The following ADGRF5 variants were observed in gnomAD, a reference collection of about 807,000 sequenced individuals.
ADGRF5 encodes the protein G-protein coupled receptor 116.
A neutral mutation model predicts 132.3 loss-of-function variants in ADGRF5; 75 were observed. The observed-to-expected ratio is 0.57, with a 90% confidence interval of 0.47 to 0.69. The LOEUF (loss-of-function observed/expected upper bound fraction) is 0.69, where lower values mean the gene tolerates loss of function less well. Ranked by LOEUF, ADGRF5 falls within the 30% of genes least tolerant of loss-of-function variation. The probability of loss-of-function intolerance (pLI) is 0.00; values close to 1 mark genes in which losing one functional copy is unlikely to be tolerated. For missense variants in ADGRF5, 1,516 were observed against 1,630.6 expected (o/e 0.93, Z 1.21); for synonymous variants, 629 against 597.6 (o/e 1.05, Z -0.77).
intron 1 of ADGRF5, among the ~76,000 whole-genome samples, chr6:46,945,136 A>G (rs1778254579): frequency 1.3e-5 from 2 of 152,236 alleles, no homozygotes; most frequent in African/African-American, 4.8e-5. Flanking sequence ...AGTGTCACTC[A>G]TGACACATTT....
At chr6:46,896,084 C>T (rs1293858412) in intron 3 of ADGRF5, among the ~76,000 whole-genome samples, 1 of 152,182 alleles carries the variant, frequency 6.6e-6, no homozygotes, top group Admixed American at 6.6e-5. Context: ...GGCAGAGTCG[C>T]ATGTCTAGAC....
chr6:46,862,920 C>A lies in ADGRF5; in HGVS notation c.2167G>T (p.Ala723Ser). Residue 723 changes from alanine to serine, a missense_variant, in exon 15 of 21, where the codon GCC becomes TCC. By Grantham distance (99) the Ala-to-Ser change is moderately conservative (BLOSUM62 1). This residue lies in a region of ADGRF5 where 945 missense variants were observed against 929.4 expected (regional missense o/e 1.02). Transcript: ENST00000283296. The part of the protein sequence containing the change: ...WEEKRNDCIS[A>S]PINSLLQMAK... ...ATCTGGAGCAGACTGTTTATTGGGG[C>A]AGAGATGCAGTCATTTCTCTTCTCC... The A allele has an allele frequency of 6.2e-7, 1 of 1,612,450 alleles. No homozygotes were observed. Among genetic ancestry groups the A allele is most frequent in the Non-Finnish European group, 8.5e-7 (1 of 1,179,254 alleles).
intron 10 of ADGRF5, among the ~76,000 whole-genome samples, chr6:46,877,098 C>G (rs536824297): frequency 1.3e-5 from 2 of 152,302 alleles, no homozygotes; most frequent in East Asian, 3.9e-4. Flanking sequence ...CTAGGTAAAA[C>G]ACTGTTCAAA....
chr6:46,874,020 T>C (rs764920125), intron 10 of ADGRF5, among the ~76,000 whole-genome samples: 7 of 152,228 alleles, frequency 4.6e-5, no homozygotes, highest in Non-Finnish European at 8.8e-5. Context: ...CACATGATTG[T>C]AGCTGAGTCT....
chr6:46,883,788 C>A (rs148907914), intron 5 of ADGRF5, 123 bp from the exon 6 acceptor site: 7,811 of 625,460 alleles, frequency 0.012, 153 homozygotes, highest in African/African-American at 0.065. Flanking sequence ...GTCTCCCAGG[C>A]TGGAGTGCAA....
intron 1 of ADGRF5, among the ~76,000 whole-genome samples, chr6:46,915,599 T>C (rs1776356578): frequency 6.6e-6 from 1 of 152,186 alleles, no homozygotes; most frequent in Admixed American, 6.5e-5. Flanking sequence ...TCCATCTCTC[T>C]GAGAAATGGC....
At chr6:46,933,924 G>T (rs1777689455) in intron 1 of ADGRF5, among the ~76,000 whole-genome samples, 1 of 152,136 alleles carries the variant, frequency 6.6e-6, no homozygotes, top group South Asian at 2.1e-4. Flanking sequence ...CCTTGGTTTT[G>T]CCTCATCTGA....
chr6:46,882,488 C>G (rs1243032489), intron 6 of ADGRF5, among the ~76,000 whole-genome samples: 1 of 152,204 alleles, frequency 6.6e-6, no homozygotes, highest in African/African-American at 2.4e-5. Flanking sequence ...GTCCCAGTGT[C>G]TGCCAGACAC....
chr6:46,950,639 T>C (rs1328058007), intron 1 of ADGRF5, among the ~76,000 whole-genome samples: 1 of 152,116 alleles, frequency 6.6e-6, no homozygotes, highest in Non-Finnish European at 1.5e-5. Flanking sequence ...CTCAGCCTCC[T>C]GAGTAGCTGG....
In ADGRF5 at chr6:46,879,541, T is replaced by A. The variant is rs953674562; in HGVS notation, c.1036+277A>T. Among the ~76,000 whole-genome samples, 5 of 152,156 alleles carry A rather than the reference T, an allele frequency of 3.3e-5. No individual in the cohort carries two copies. In the East Asian group the frequency reaches 7.7e-4, roughly 23 times the overall value. ...GCTTCCCCTTTGCCTTCTGCCATGATTGTAAGTTTCCTGAGGCCTCCCCAA... is the reference window on the plus strand; with the variant it reads ...GCTTCCCCTTTGCCTTCTGCCATGAATGTAAGTTTCCTGAGGCCTCCCCAA... On this transcript the variant is annotated intron_variant, in intron 9 of 20. Coordinates refer to ENST00000283296, the MANE Select transcript of ADGRF5 (RefSeq NM_001098518.2).
chr6:46,934,855 A>G (rs1777737709), intron 1 of ADGRF5, among the ~76,000 whole-genome samples: 1 of 152,220 alleles, frequency 6.6e-6, no homozygotes, highest in Non-Finnish European at 1.5e-5. Flanking sequence ...GTAATAAATA[A>G]AAGTACATTA....
chr6:46,880,087 C>A, intron 8 of ADGRF5, 48 bp from the exon 9 acceptor site: 1 of 1,295,902 alleles, frequency 7.7e-7, no homozygotes, highest in South Asian at 1.2e-5. Context: ...AAATAAATGT[C>A]ACTGATGCTA....
chr6:46,898,654 A>G (rs755221053), intron 3 of ADGRF5, among the ~76,000 whole-genome samples: 22 of 152,218 alleles, frequency 1.4e-4, no homozygotes, highest in Admixed American at 5.9e-4. Flanking sequence ...TCTCATTTCA[A>G]GCGCTGGACA....
At chr6:46,899,958 T>C in intron 3 of ADGRF5, 71 bp downstream of exon 3, 1 of 1,046,328 alleles carries the variant, frequency 9.6e-7, no homozygotes, top group Non-Finnish European at 1.5e-6. Flanking sequence ...GACTACAATG[T>C]TTTAAAAAGT....
intron 10 of ADGRF5, among the ~76,000 whole-genome samples, chr6:46,872,689 C>A (rs530443847): frequency 6.6e-6 from 1 of 152,156 alleles, no homozygotes; most frequent in Admixed American, 6.5e-5. Flanking sequence ...AAATACCATG[C>A]CCTCCATGCC....
rs1399287315 is a variant in ADGRF5 at position 46,853,986 on chromosome 6, C to G, written c.*6G>C. ...GGGAGGTCACGTAGGTTGGATTATCCTGTTCTTAGTTGAGCAACGAAGAAG... is the reference window on the plus strand; with the variant it reads ...GGGAGGTCACGTAGGTTGGATTATCGTGTTCTTAGTTGAGCAACGAAGAAG... On this transcript the variant is annotated 3_prime_UTR_variant, in exon 21 of 21. Coordinates refer to ENST00000283296, the MANE Select transcript of ADGRF5 (RefSeq NM_001098518.2). 4 of 1,594,170 alleles carry G rather than the reference C, an allele frequency of 2.5e-6. No homozygotes were observed. Among genetic ancestry groups the G allele is most frequent in the East Asian group, 4.6e-5 (2 of 43,690 alleles).
At chr6:46,894,798 A>G (rs1377707009) in intron 3 of ADGRF5, among the ~76,000 whole-genome samples, 2 of 152,236 alleles carry the variant, frequency 1.3e-5, no homozygotes, top group Non-Finnish European at 2.9e-5. Context: ...AGTGTCTGGC[A>G]TATAGTTGCC....
chr6:46,882,226 T>C, intron 6 of ADGRF5, 119 bp from the exon 7 acceptor site: 1 of 772,976 alleles, frequency 1.3e-6, no homozygotes, highest in Non-Finnish European at 2.3e-6. Flanking sequence ...TTATCTTCTG[T>C]CTATTTTGTT....
intron 1 of ADGRF5, among the ~76,000 whole-genome samples, chr6:46,912,958 CTG>C (rs1776088790): frequency 6.6e-6 from 1 of 152,212 alleles, no homozygotes; most frequent in African/African-American, 2.4e-5. Context: ...CCCAGCAAGA[CTG>C]TGTCTTGTTA....
Sources: allele counts gnomAD v4.1 joint callset (sites outside exome capture counted in the v4.1 genomes callset), GRCh38; gene constraint gnomAD v4.1.1; regional missense constraint gnomAD v4.1.1; transcripts MANE v1.5; gene names NCBI Gene and HGNC (gene_info 2026-07-23, HGNC 2026-07-21).